Variants in ROR2 observed in about 807,000 individuals in gnomAD.
ROR2 encodes the protein ROR family WNT receptor 2.
ROR2 carries 33 observed loss-of-function variants against 74.9 expected under a neutral mutation model. The ratio of observed to expected loss-of-function variants is 0.44; its 90% confidence interval spans 0.33 to 0.59. ROR2 has a LOEUF of 0.59. ROR2 is among the 20% of genes least tolerant of loss of function. ROR2 has a pLI of 0.02. For missense variants in ROR2, 1,216 were observed against 1,313.8 expected, an observed-to-expected ratio of 0.93 and a Z score of 1.15; for synonymous variants, 586 against 558.7, an observed-to-expected ratio of 1.05 and a Z score of -0.69.
intron 1 of ROR2, among the ~76,000 whole-genome samples, chr9:91,934,194 T>C (rs1437043702): frequency 6.6e-6 from 1 of 152,156 alleles, no homozygotes. Flanking sequence ...ATCATCAACA[T>C]GTGTTACTAG....
Position 91,807,643 on chromosome 9 carries a change from C to T in ROR2, c.98-31825G>A, listed in dbSNP as rs992967666. Among the ~76,000 whole-genome samples the T allele has an allele frequency of 2.6e-5, 4 of 152,282 alleles. 1 individual carries two copies. The East Asian group carries it at 7.7e-4, about 29-fold the overall frequency. ...ATCCTCAATGAGGGGGGATCAGACG[C>T]TACCTCCAGGTAGACAGTGTCTAAA... is the stretch of plus-strand genomic sequence containing the variant. On this transcript the variant is annotated intron_variant, in intron 1 of 8. Transcript: ENST00000375708.
chr9:91,804,490 C>T (rs1211125169), intron 1 of ROR2, among the ~76,000 whole-genome samples: 1 of 152,224 alleles, frequency 6.6e-6, no homozygotes, highest in African/African-American at 2.4e-5. Flanking sequence ...AAGGGCTTAG[C>T]ACCCCTGCGG....
chr9:91,783,248 A>G (rs1826683255), intron 1 of ROR2, among the ~76,000 whole-genome samples: 1 of 152,188 alleles, frequency 6.6e-6, no homozygotes, highest in Non-Finnish European at 1.5e-5. Context: ...ACATTCTGAG[A>G]CACAGAGGAC....
intron 1 of ROR2, among the ~76,000 whole-genome samples, chr9:91,822,984 AG>A (rs1321411891): frequency 6.6e-6 from 1 of 152,236 alleles, no homozygotes; most frequent in Non-Finnish European, 1.5e-5. Context: ...ACTAATTCAA[AG>A]GTGCGACATT....
At chr9:91,937,180 C>T (rs765776815) in intron 1 of ROR2, among the ~76,000 whole-genome samples, 6 of 152,142 alleles carry the variant, frequency 3.9e-5, no homozygotes, top group Non-Finnish European at 8.8e-5. Flanking sequence ...ACAGAGACGG[C>T]TGCTTCAGTC....
intron 2 of ROR2, among the ~76,000 whole-genome samples, chr9:91,764,559 T>TACACACACACACACACAC (rs11405599): frequency 0.014 from 2,112 of 147,666 alleles, 58 homozygotes; most frequent in East Asian, 0.093. Context: ...TATAATCACT[T>TACACACACACACACACAC]ACACACACAC....
At chr9:91,734,642 G>A (rs547372946) in intron 5 of ROR2, among the ~76,000 whole-genome samples, 2 of 152,154 alleles carry the variant, frequency 1.3e-5, no homozygotes, top group African/African-American at 4.8e-5. Flanking sequence ...AGCCTTGTGC[G>A]TGATCACTTT....
At chr9:91,870,417 G>A (rs1467495123) in intron 1 of ROR2, among the ~76,000 whole-genome samples, 2 of 152,136 alleles carry the variant, frequency 1.3e-5, no homozygotes, top group East Asian at 1.9e-4. Flanking sequence ...TAGCCAGACC[G>A]GGTCTTGATG....
At position 91,733,196 on chromosome 9, in the gene ROR2, G is replaced by A. The variant is rs138087167; in HGVS notation, c.863C>T (p.Ala288Val). 63 of 1,610,966 alleles carry A rather than the reference G, an allele frequency of 3.9e-5. No homozygotes were observed. The highest frequency in any genetic ancestry group is 2.0e-4 in the African/African-American group (15 of 75,038). Residue 288 changes from alanine (A) to valine (V), a missense_variant, in exon 6 of 9, where the codon GCG becomes GTG. By Grantham distance (64) the Ala-to-Val change is moderately conservative. Coordinates refer to ENST00000375708, the MANE Select transcript of ROR2 (RefSeq NM_004560.4). This position sits in a 1 kb window ranked among gnomAD's most constrained non-coding sequence, Gnocchi z 5.7. Reference sequence around the variant, plus strand: ...GTCGGGGCTCTCAGGCATGGGCAGCGCCTCACACTTGGGCAGCTGAAGCCG... The same window carrying A: ...GTCGGGGCTCTCAGGCATGGGCAGCACCTCACACTTGGGCAGCTGAAGCCG... ...LMRLQLPKCE[A>V]LPMPESPDAA... is the part of the protein sequence containing the mutation.
intron 1 of ROR2, among the ~76,000 whole-genome samples, chr9:91,904,335 C>A (rs887922993): frequency 1.3e-5 from 2 of 152,188 alleles, no homozygotes; most frequent in Non-Finnish European, 2.9e-5. Context: ...TTCACCTGAC[C>A]TGAGGATGCC....
At chr9:91,820,050 G>T (rs1284678795) in intron 1 of ROR2, among the ~76,000 whole-genome samples, 2 of 152,186 alleles carry the variant, frequency 1.3e-5, no homozygotes, top group East Asian at 3.8e-4. Context: ...CAGTAAGAAG[G>T]TCGGGATGGT....
At chr9:91,764,585 C>T (rs1477850332) in intron 2 of ROR2, among the ~76,000 whole-genome samples, 1 of 151,758 alleles carries the variant, frequency 6.6e-6, no homozygotes, top group African/African-American at 2.4e-5. Flanking sequence ...CACACACACA[C>T]ACCACACACA....
At chr9:91,902,327 C>T (rs1202588933) in intron 1 of ROR2, among the ~76,000 whole-genome samples, 1 of 152,158 alleles carries the variant, frequency 6.6e-6, no homozygotes, top group Non-Finnish European at 1.5e-5. Flanking sequence ...TAAACTTCCC[C>T]TTCGCTGTCA....
chr9:91,870,410 C>G (rs1441972982), intron 1 of ROR2, among the ~76,000 whole-genome samples: 1 of 152,192 alleles, frequency 6.6e-6, no homozygotes, highest in Non-Finnish European at 1.5e-5. Flanking sequence ...GCAAGGATAG[C>G]CAGACCGGGT....
intron 1 of ROR2, among the ~76,000 whole-genome samples, chr9:91,843,127 G>C (rs1241368084): frequency 6.6e-6 from 1 of 152,190 alleles, no homozygotes; most frequent in Non-Finnish European, 1.5e-5. Context: ...GAAAGAGCAT[G>C]TTGGAGCTGG....
chr9:91,844,439 T>C (rs1185841732), intron 1 of ROR2, among the ~76,000 whole-genome samples: 2 of 152,158 alleles, frequency 1.3e-5, no homozygotes, highest in African/African-American at 2.4e-5. Context: ...TTCGTGCCAC[T>C]TGCTGTCACG....
intron 1 of ROR2, among the ~76,000 whole-genome samples, chr9:91,885,991 A>G (rs1367197836): frequency 6.7e-6 from 1 of 148,614 alleles, no homozygotes; most frequent in Admixed American, 6.9e-5. Context: ...TTCCTGCCTC[A>G]GCCTCTCCCG....
At chr9:91,916,110 C>A (rs1451795565) in intron 1 of ROR2, among the ~76,000 whole-genome samples, 1 of 152,164 alleles carries the variant, frequency 6.6e-6, no homozygotes, top group African/African-American at 2.4e-5. Context: ...ACTCATTCCA[C>A]GCAGGAAAGC....
At chr9:91,922,099 G>GCAACAACAACAA (rs556349605) in intron 1 of ROR2, among the ~76,000 whole-genome samples, 18 of 147,678 alleles carry the variant, frequency 1.2e-4, no homozygotes, top group African/African-American at 4.4e-4. Context: ...CCAAACAACA[G>GCAACAACAACAA]CAACAACAAC....
Sources: gnomAD v4.1 joint callset for allele counts (sites outside exome capture counted in the v4.1 genomes callset) on GRCh38, gnomAD v4.1.1 for gene constraint, Gnocchi (gnomAD v3.1) non-coding constraint, MANE v1.5 for transcripts, NCBI Gene and HGNC (gene_info 2026-07-23, HGNC 2026-07-21) for gene names.